CA12: variants seen among roughly 807,000 people sequenced by gnomAD.
The protein encoded by CA12 is carbonate dehydratase XII.
Under a neutral mutation model 46.8 loss-of-function variants are expected in CA12, and 36 were observed. The observed-to-expected ratio is 0.77, with a 90% CI of 0.59 to 1.02. The LOEUF is 1.02. Ranked by LOEUF, CA12 falls within the 50% of genes least tolerant of loss-of-function variation. The probability of loss-of-function intolerance (pLI) is 0.00; values close to 1 mark genes in which losing one functional copy is unlikely to be tolerated. For missense variants in CA12, 436 were observed against 451.4 expected, an observed-to-expected ratio of 0.97 and a Z score of 0.31; for synonymous variants, 202 against 187.0, an observed-to-expected ratio of 1.08 and a Z score of -0.65.
chr15:63,347,194 C>G (rs1174156532), intron 2 of CA12, among the ~76,000 whole-genome samples: 2 of 152,200 alleles, frequency 1.3e-5, no homozygotes, highest in Non-Finnish European at 2.9e-5. Context: ...TCTTACTGAC[C>G]ACAGTGCCAA....
At position 63,348,785 on chromosome 15, in the gene CA12, C is replaced by T. The variant is rs1173930115; in HGVS notation, c.107-2076G>A. ...CCTCGTGAAGATAGGGACCCCTCAT[C>T]TTCGTCTCTGTGAACCCATATTATA... On this transcript the variant is annotated intron_variant, in intron 2 of 10. Transcript: ENST00000178638. The surrounding 1 kb of genome is among the most constrained non-coding windows in gnomAD (Gnocchi z 4.6). Among the ~76,000 whole-genome samples the T allele has an allele frequency of 2.6e-5, 4 of 152,230 alleles. No individual in the cohort carries two copies. Among genetic ancestry groups the T allele is most frequent in the Non-Finnish European group, 5.9e-5 (4 of 68,036 alleles).
chr15:63,365,299 A>T (rs1216174375), intron 2 of CA12, among the ~76,000 whole-genome samples: 1 of 152,238 alleles, frequency 6.6e-6, no homozygotes, highest in Non-Finnish European at 1.5e-5. Context: ...TTACTCTTCA[A>T]AAAAAATCCC....
chr15:63,345,700 T>A lies in CA12; in HGVS notation c.287-81A>T. 2 of 1,525,468 alleles carry A rather than the reference T, an allele frequency of 1.3e-6. No homozygotes were observed. The highest frequency in any genetic ancestry group is 1.8e-6 in the Non-Finnish European group (2 of 1,132,880). 94.5% of individuals were successfully genotyped at this position (1,525,468 alleles called of 1,614,324 possible). A position where few individuals can be genotyped will look rare whatever the true frequency, so the allele number is the denominator to read the frequency against. On this transcript the variant is annotated intron_variant, in intron 3 of 10. Transcript: ENST00000178638. The surrounding 1 kb of genome is among the most constrained non-coding windows in gnomAD (Gnocchi z 4.3). Reference sequence around the variant, plus strand: ...GAGCAGTCAGGTAGGCAATGCTCCCTCCACCCCTGCTGCCACCCCCTGGAG... The same window carrying A: ...GAGCAGTCAGGTAGGCAATGCTCCCACCACCCCTGCTGCCACCCCCTGGAG...
At position 63,325,195 on chromosome 15, in the gene CA12, A is replaced by G. The variant is rs529848296; in HGVS notation, c.*1090T>C. On this transcript the variant is annotated 3_prime_UTR_variant, in exon 11 of 11. Coordinates refer to ENST00000178638, the MANE Select transcript of CA12 (RefSeq NM_001218.5). The surrounding 1 kb of genome is among the most constrained non-coding windows in gnomAD (Gnocchi z 4.9). The stretch of plus-strand genomic sequence containing the variant: ...GATTTGACATCTTCAGAGAGAGAGA[A>G]GTAGATAAAAGTCTCCATTCCAGGT... The G allele has an allele frequency of 2.0e-5, 3 of 152,346 alleles. No homozygotes were observed. The South Asian group carries it at 6.2e-4, about 32-fold the overall frequency. The allele number at this position is 152,346 out of a possible 1,614,324, so 9.4% of individuals were successfully genotyped here. A position where few individuals can be genotyped will look rare whatever the true frequency, so the allele number is the denominator to read the frequency against.
At chr15:63,377,486 T>A (rs569465543) in intron 1 of CA12, among the ~76,000 whole-genome samples, 13 of 151,784 alleles carry the variant, frequency 8.6e-5, no homozygotes, top group East Asian at 5.8e-4. Flanking sequence ...GCTTTTTTTT[T>A]AAAAAAAAGC....
At chr15:63,365,944 G>C (rs1221772213) in intron 2 of CA12, among the ~76,000 whole-genome samples, 1 of 152,076 alleles carries the variant, frequency 6.6e-6, no homozygotes, top group Non-Finnish European at 1.5e-5. Flanking sequence ...TTTGAGACCA[G>C]CCTGGCCAAC....
chr15:63,360,495 T>A (rs1336757258), intron 2 of CA12, among the ~76,000 whole-genome samples: 1 of 152,210 alleles, frequency 6.6e-6, no homozygotes, highest in Non-Finnish European at 1.5e-5. Flanking sequence ...TGTTCACAGA[T>A]ATGCTGAAAC....
Position 63,327,715 on chromosome 15 carries a change from C to T in CA12, c.907+383G>A, listed in dbSNP as rs540605604. The stretch of plus-strand genomic sequence containing the variant: ...CCATTGGCTGTCTCCATCAGTTTTG[C>T]CCCCAAGTTCCATTGCACAGTCCTA... On this transcript the variant is annotated intron_variant, in intron 9 of 10. Coordinates refer to ENST00000178638, the MANE Select transcript of CA12 (RefSeq NM_001218.5). The surrounding 1 kb of genome is among the most constrained non-coding windows in gnomAD (Gnocchi z 4.5). 6.6e-6 allele frequency among the ~76,000 whole-genome samples: 1 copy of T among 152,114 alleles called. No homozygotes were observed. Among genetic ancestry groups the T allele is most frequent in the Non-Finnish European group, 1.5e-5 (1 of 68,034 alleles).
In CA12 at chr15:63,348,902, T is replaced by G. The variant is rs2039188657; in HGVS notation, c.107-2193A>C. On this transcript the variant is annotated intron_variant, in intron 2 of 10. Coordinates refer to ENST00000178638, the MANE Select transcript of CA12 (RefSeq NM_001218.5). The surrounding 1 kb of genome is among the most constrained non-coding windows in gnomAD (Gnocchi z 4.6). ...GCTTGGGAAAATGTGACTTGGGGAA[T>G]GTTTCCTTTTTCTCTTGCTCTAAAT... is the stretch of plus-strand genomic sequence containing the variant. 6.6e-6 allele frequency among the ~76,000 whole-genome samples: 1 copy of G among 152,210 alleles called. No homozygotes were observed. Among genetic ancestry groups the G allele is most frequent in the Non-Finnish European group, 1.5e-5 (1 of 68,034 alleles).
Position 63,331,830 on chromosome 15 carries a change from G to A in CA12, c.875-3700C>T, listed in dbSNP as rs1398463129. 1 of 152,174 alleles carries A rather than the reference G, an allele frequency of 6.6e-6. No homozygotes were observed. The highest frequency in any genetic ancestry group is 1.5e-5 in the Non-Finnish European group (1 of 68,032). 9.4% of individuals were successfully genotyped at this position (152,174 alleles called of 1,614,324 possible). On this transcript the variant is annotated intron_variant, in intron 8 of 10. Transcript: ENST00000178638. This position sits in a 1 kb window ranked among gnomAD's most constrained non-coding sequence, Gnocchi z 5.3. Reference sequence around the variant, plus strand: ...TGCTGGACTGAGGGATGCTGGTTAAGGGCTTTTGAGGTCTTCTGAAGCCTC... The same window carrying A: ...TGCTGGACTGAGGGATGCTGGTTAAAGGCTTTTGAGGTCTTCTGAAGCCTC...
rs2039577615 is a variant in CA12 at position 63,376,575 on chromosome 15, T to TTTC, written c.86-900_86-898dup. 3.5e-5 allele frequency among the ~76,000 whole-genome samples: 4 copies of TTTC among 115,372 alleles called. No homozygotes were observed. In the Admixed American group the frequency reaches 4.4e-4, roughly 13 times the overall value. The allele number at this position is 115,372 out of a possible 152,430, so 75.7% of individuals were successfully genotyped here. ...TTTCTTTCCTTTCTTTCTTTCTTTC[T>TTTC]TTCTTTCTTTCTTTCTTTCTTTCTT... is the stretch of plus-strand genomic sequence containing the variant. On this transcript the variant is annotated intron_variant, in intron 1 of 10. Transcript: ENST00000178638.
rs1019336950 is a variant in CA12 at position 63,322,712 on chromosome 15, C to T, written c.*3573G>A. 1.3e-5 allele frequency: 2 copies of T among 152,236 alleles called. No individual in the cohort carries two copies. The highest frequency in any genetic ancestry group is 6.5e-5 in the Admixed American group (1 of 15,276). 9.4% of individuals were successfully genotyped at this position (152,236 alleles called of 1,614,324 possible). On this transcript the variant is annotated 3_prime_UTR_variant, in exon 11 of 11. Transcript: ENST00000178638. The surrounding 1 kb of genome is among the most constrained non-coding windows in gnomAD (Gnocchi z 4.1). ...GAGCAAGTCCAAGGAGTGAGTGCTT[C>T]GTGGGAACTCTGGCTTCCCGGCTGT...
chr15:63,371,541 G>A (rs150178078), intron 2 of CA12, among the ~76,000 whole-genome samples: 66 of 152,378 alleles, frequency 4.3e-4, no homozygotes, highest in African/African-American at 1.5e-3. Flanking sequence ...GGATGGAGGG[G>A]CTGGCCTCGC....
At chr15:63,335,259 A>T (rs2038986944) in intron 8 of CA12, among the ~76,000 whole-genome samples, 1 of 152,000 alleles carries the variant, frequency 6.6e-6, no homozygotes, top group Non-Finnish European at 1.5e-5. Context: ...AGGTTGAGAA[A>T]CTCTGCCCCC....
chr15:63,324,122 A>G lies in CA12; in HGVS notation c.*2163T>C, dbSNP rs1470006315. On this transcript the variant is annotated 3_prime_UTR_variant, in exon 11 of 11. Coordinates refer to ENST00000178638, the MANE Select transcript of CA12 (RefSeq NM_001218.5). ...CCACAGGAATCCTGTGAGGATTTGCAAAGACATTGATAGTGTTGGTTCTTG... is the reference window on the plus strand; with the variant it reads ...CCACAGGAATCCTGTGAGGATTTGCGAAGACATTGATAGTGTTGGTTCTTG... 2 of 152,270 alleles carry G rather than the reference A, an allele frequency of 1.3e-5. No individual in the cohort carries two copies. Among genetic ancestry groups the G allele is most frequent in the African/African-American group, 2.4e-5 (1 of 41,464 alleles). The allele number at this position is 152,270 out of a possible 1,614,324, so 9.4% of individuals were successfully genotyped here.
At chr15:63,377,060 G>A (rs981488642) in intron 1 of CA12, among the ~76,000 whole-genome samples, 7 of 152,074 alleles carry the variant, frequency 4.6e-5, no homozygotes, top group Admixed American at 6.6e-5. Context: ...CCACTACTTC[G>A]CACTCCACAC....
In CA12 at chr15:63,345,376, C is replaced by G; in HGVS notation, c.429+101G>C. On this transcript the variant is annotated intron_variant, in intron 4 of 10. Transcript: ENST00000178638. The surrounding 1 kb of genome is among the most constrained non-coding windows in gnomAD (Gnocchi z 4.3). ...GGTGGGGCAGAGAGCCTGAAGGCAG[C>G]CTGTCCCATGCTCTGGTGTTATCTG... The G allele has an allele frequency of 6.7e-7, 1 of 1,481,836 alleles. No individual in the cohort carries two copies. Among genetic ancestry groups the G allele is most frequent in the Admixed American group, 1.8e-5 (1 of 55,942 alleles). 91.8% of individuals were successfully genotyped at this position (1,481,836 alleles called of 1,614,324 possible). A position where few individuals can be genotyped will look rare whatever the true frequency, so the allele number is the denominator to read the frequency against.
chr15:63,340,687 C>T lies in CA12; in HGVS notation c.589+33G>A, dbSNP rs992320244. On this transcript the variant is annotated intron_variant, in intron 6 of 10. Transcript: ENST00000178638. This position sits in a 1 kb window ranked among gnomAD's most constrained non-coding sequence, Gnocchi z 4.4. ...CAGGGCTGACTACCTCCTTCTCCAG[C>T]AGAGAGTGAATATGCATGCAAGGAC... 1.9e-6 allele frequency: 3 copies of T among 1,602,814 alleles called. No homozygotes were observed. In the African/African-American group the frequency reaches 4.0e-5, roughly 21 times the overall value.
chr15:63,381,757 C>CG lies in CA12; in HGVS notation c.-38dup. The stretch of plus-strand genomic sequence containing the variant: ...CCTGCGGGGCGGGCGCGGGCTGTGC[C>CG]GGGGGCTCCCGGTGGCCGCTCGCTC... On this transcript the variant is annotated 5_prime_UTR_variant, in exon 1 of 11. Coordinates refer to ENST00000178638, the MANE Select transcript of CA12 (RefSeq NM_001218.5). 1 of 1,434,304 alleles carries CG rather than the reference C, an allele frequency of 7.0e-7. No homozygotes were observed. The highest frequency in any genetic ancestry group is 9.3e-7 in the Non-Finnish European group (1 of 1,074,488). The allele number at this position is 1,434,304 out of a possible 1,614,324, so 88.8% of individuals were successfully genotyped here.
Sources: gnomAD v4.1 joint callset for allele counts (sites outside exome capture counted in the v4.1 genomes callset) on GRCh38, gnomAD v4.1.1 for gene constraint, Gnocchi (gnomAD v3.1) non-coding constraint, MANE v1.5 for transcripts, NCBI Gene and HGNC (gene_info 2026-07-23, HGNC 2026-07-21) for gene names.